PEX5L: variants seen among roughly 807,000 people sequenced by gnomAD.
PEX5L encodes peroxisomal biogenesis factor 5 like.
In PEX5L, 30 loss-of-function variants were observed where a neutral mutation model predicts 84.0. The ratio of observed to expected loss-of-function variants is 0.36; its 90% CI spans 0.27 to 0.48. PEX5L has a LOEUF of 0.48. Among genes scored for constraint, PEX5L ranks in the 20% least tolerant of loss-of-function variants. PEX5L has a pLI of 0.99. For missense variants in PEX5L, 533 were observed against 754.6 expected (o/e 0.71, Z 3.44); for synonymous variants, 270 against 283.1 (o/e 0.95, Z 0.46).
chr3:179,931,250 C>A (rs754047440), intron 2 of PEX5L, among the ~76,000 whole-genome samples: 5 of 152,152 alleles, frequency 3.3e-5, no homozygotes, highest in Admixed American at 6.5e-5. Context: ...CAATAACGGA[C>A]CTGGCAAAGC....
intron 1 of PEX5L, among the ~76,000 whole-genome samples, chr3:180,008,674 G>C (rs1467625800): frequency 6.6e-6 from 1 of 152,174 alleles, no homozygotes; most frequent in Non-Finnish European, 1.5e-5. Flanking sequence ...TCCTTACATG[G>C]TGGCAGCAAG....
Position 179,874,533 on chromosome 3 carries a change from T to C in PEX5L, c.630-110A>G, listed in dbSNP as rs183835014. 2.3e-4 allele frequency: 138 copies of C among 604,862 alleles called. 1 individual carries two copies. The African/African-American group carries it at 2.3e-3, about 10-fold the overall frequency. The allele number at this position is 604,862 out of a possible 1,614,324, so 37.5% of individuals were successfully genotyped here. Reference sequence around the variant, plus strand: ...TCATTGAAAGCCATGATGTCAAAGCTCTCATCAAAATTCTGATGATAGAGA... The same window carrying C: ...TCATTGAAAGCCATGATGTCAAAGCCCTCATCAAAATTCTGATGATAGAGA... On this transcript the variant is annotated intron_variant, in intron 6 of 14. Transcript: ENST00000467460.
chr3:180,018,439 C>T (rs369159335), intron 1 of PEX5L, among the ~76,000 whole-genome samples: 1 of 152,122 alleles, frequency 6.6e-6, no homozygotes, highest in African/African-American at 2.4e-5. Flanking sequence ...AACTAACAGT[C>T]GGTGCCTTGG....
Position 179,808,445 on chromosome 3 carries a change from AG to A in PEX5L, c.1353-9del. 1 of 1,449,904 alleles carries A rather than the reference AG, an allele frequency of 6.9e-7. No homozygotes were observed. The highest frequency in any genetic ancestry group is 9.1e-7 in the Non-Finnish European group (1 of 1,095,842). 89.8% of individuals were successfully genotyped at this position (1,449,904 alleles called of 1,614,324 possible). A position where few individuals can be genotyped will look rare whatever the true frequency, so the allele number is the denominator to read the frequency against. ...ACCCCTTCCAGAACAGAGCTACAAG[AG>A]AAAAAAAAAATTAGATTTGTAATCC... On this transcript the variant is annotated splice_polypyrimidine_tract_variant and intron_variant, in intron 12 of 14. Transcript: ENST00000467460.
chr3:179,885,052 C>T (rs544554340), intron 4 of PEX5L, among the ~76,000 whole-genome samples: 97 of 151,894 alleles, frequency 6.4e-4, no homozygotes, highest in African/African-American at 1.3e-3. Flanking sequence ...TTGAGATATA[C>T]GCTTAATATT....
intron 2 of PEX5L, among the ~76,000 whole-genome samples, chr3:179,919,309 C>A (rs1768404834): frequency 6.6e-6 from 1 of 152,216 alleles, no homozygotes; most frequent in Non-Finnish European, 1.5e-5. Flanking sequence ...GATCTTCCCA[C>A]TACCACAGCA....
chr3:179,971,594 C>T lies in PEX5L; in HGVS notation c.93G>A (p.Gln31=), dbSNP rs1253455744. Residue 31 remains glutamine, a splice_region_variant and synonymous_variant, in exon 2 of 15, where the codon CAG becomes CAA. Coordinates refer to ENST00000467460, the MANE Select transcript of PEX5L (RefSeq NM_016559.3). ...AAAATGTACGTAAGTATTCACTTAC[C>T]TGCTTTTGATCAACAATTATTTCGA... The part of the protein sequence containing the change: ...EDLEIIVDQK[Q]GKGSRAADKA... 2 of 1,606,144 alleles carry T rather than the reference C, an allele frequency of 1.2e-6. No individual in the cohort carries two copies. Among genetic ancestry groups the T allele is most frequent in the Non-Finnish European group, 1.7e-6 (2 of 1,176,460 alleles).
intron 7 of PEX5L, among the ~76,000 whole-genome samples, chr3:179,868,943 T>C (rs1749335886): frequency 6.6e-6 from 1 of 152,136 alleles, no homozygotes; most frequent in African/African-American, 2.4e-5. Context: ...TCTGTATGCC[T>C]TTTCTCCCAT....
chr3:179,917,209 C>G (rs1473759982), intron 2 of PEX5L, among the ~76,000 whole-genome samples: 2 of 152,126 alleles, frequency 1.3e-5, no homozygotes, highest in Non-Finnish European at 2.9e-5. Context: ...TCTTCCACCT[C>G]CACATCTTGT....
chr3:179,929,473 A>G (rs1186614414), intron 2 of PEX5L, among the ~76,000 whole-genome samples: 1 of 146,362 alleles, frequency 6.8e-6, no homozygotes, highest in Non-Finnish European at 1.5e-5. Context: ...ATTAGGTTGC[A>G]TCTTGTGAAG....
intron 7 of PEX5L, among the ~76,000 whole-genome samples, chr3:179,866,670 C>G (rs1354292604): frequency 6.6e-6 from 1 of 152,116 alleles, no homozygotes; most frequent in Non-Finnish European, 1.5e-5. Flanking sequence ...CATTTAAACA[C>G]TTTCCTCATT....
At chr3:179,950,892 G>C (rs1049879301) in intron 2 of PEX5L, among the ~76,000 whole-genome samples, 2 of 152,216 alleles carry the variant, frequency 1.3e-5, no homozygotes, top group Non-Finnish European at 2.9e-5. Context: ...CGTAAGAGGA[G>C]GCAGGGAGCA....
chr3:180,018,825 G>A (rs953177548), intron 1 of PEX5L, among the ~76,000 whole-genome samples: 2 of 152,216 alleles, frequency 1.3e-5, no homozygotes, highest in African/African-American at 4.8e-5. Context: ...CCCTGCCTCT[G>A]AGATGGCTCT....
chr3:179,933,585 A>C (rs918098229), intron 2 of PEX5L, among the ~76,000 whole-genome samples: 2 of 152,236 alleles, frequency 1.3e-5, no homozygotes, highest in African/African-American at 4.8e-5. Flanking sequence ...GATGAAATAC[A>C]AATGGAATTT....
intron 5 of PEX5L, among the ~76,000 whole-genome samples, chr3:179,876,640 G>T (rs894629392): frequency 1.3e-5 from 2 of 152,004 alleles, no homozygotes; most frequent in South Asian, 4.1e-4. Flanking sequence ...TAGTACAGTC[G>T]CACTGCTGTG....
chr3:179,835,212 A>G (rs528316791), intron 8 of PEX5L, among the ~76,000 whole-genome samples: 1 of 152,362 alleles, frequency 6.6e-6, no homozygotes, highest in East Asian at 1.9e-4. Flanking sequence ...ACCAAGTCAG[A>G]AAACATACAC....
intron 2 of PEX5L, among the ~76,000 whole-genome samples, chr3:179,944,892 G>A (rs1406608856): frequency 6.6e-6 from 1 of 152,198 alleles, no homozygotes; most frequent in Non-Finnish European, 1.5e-5. Context: ...TAAGTGGGCA[G>A]AATCAGGACG....
At chr3:179,924,497 C>T (rs561880387) in intron 2 of PEX5L, among the ~76,000 whole-genome samples, 25 of 152,280 alleles carry the variant, frequency 1.6e-4, no homozygotes, top group East Asian at 1.5e-3. Flanking sequence ...ACTCTTACCA[C>T]GGCAAACACT....
In PEX5L at chr3:179,809,551, A is replaced by G; in HGVS notation, c.1272T>C (p.Asn424=). The G allele has an allele frequency of 6.2e-7, 1 of 1,613,998 alleles. No homozygotes were observed. Among genetic ancestry groups the G allele is most frequent in the Non-Finnish European group, 8.5e-7 (1 of 1,179,988 alleles). The change falls in exon 12 of 15, where the codon AAT becomes AAC. Residue 424 remains asparagine (N), a synonymous_variant. Transcript: ENST00000467460. The stretch of plus-strand genomic sequence containing the variant: ...TTTTCACAAGGTATTTGTACTTTGG[A>G]TTTTGCTTAATCCAATTCTTCAGAG... The part of the protein sequence containing the change: ...CDALKNWIKQ[N]PKYKYLVKSK...
Sources: gnomAD v4.1 joint callset for allele counts (sites outside exome capture counted in the v4.1 genomes callset) on GRCh38, gnomAD v4.1.1 for gene constraint, MANE v1.5 for transcripts, NCBI Gene and HGNC (gene_info 2026-07-23, HGNC 2026-07-21) for gene names.